The following TG variants were observed in gnomAD, a reference collection of about 807,000 sequenced individuals.
TG encodes thyroid hormones.
TG carries 270 observed loss-of-function variants against 324.7 expected under a neutral mutation model. The ratio of observed to expected loss-of-function variants is 0.83; its 90% confidence interval spans 0.75 to 0.92. The LOEUF (loss-of-function observed/expected upper bound fraction) is 0.92, where lower values mean the gene tolerates loss of function less well. TG is among the 40% of genes least tolerant of loss of function. The pLI, the probability that TG is intolerant of heterozygous loss-of-function variation, is 0.00. For synonymous variants in TG, 1,401 were observed against 1,327.0 expected, an observed-to-expected ratio of 1.06 and a Z score of -1.21; for missense variants, 3,591 against 3,456.4, an observed-to-expected ratio of 1.04 and a Z score of -0.98.
chr8:132,924,975 T>C (rs1433755461), intron 22 of TG, among the ~76,000 whole-genome samples: 1 of 152,212 alleles, frequency 6.6e-6, no homozygotes, highest in Non-Finnish European at 1.5e-5. Context: ...TGTTCCACCT[T>C]TCCCTGGAGC....
intron 5 of TG, among the ~76,000 whole-genome samples, chr8:132,874,355 G>C (rs760248785): frequency 6.6e-6 from 1 of 152,134 alleles, no homozygotes; most frequent in Non-Finnish European, 1.5e-5. Context: ...ACAGAGAGAG[G>C]CATTATAGAT....
At chr8:132,942,575 A>G (rs1332481679) in intron 26 of TG, among the ~76,000 whole-genome samples, 1 of 152,224 alleles carries the variant, frequency 6.6e-6, no homozygotes, top group Admixed American at 6.5e-5. Context: ...ACAAACAGAT[A>G]AAAAGGACTT....
intron 18 of TG, 81 bp from the exon 19 acceptor site, chr8:132,911,296 A>C (rs1270840638): frequency 6.2e-7 from 1 of 1,613,070 alleles, no homozygotes; most frequent in African/African-American, 1.3e-5. Flanking sequence ...ACATAAGCCA[A>C]GTTCTGGTTC....
chr8:133,008,954 G>A (rs573621653), intron 35 of TG, among the ~76,000 whole-genome samples: 15 of 152,282 alleles, frequency 9.9e-5, no homozygotes, highest in African/African-American at 2.9e-4. Context: ...GATACTTGTG[G>A]ACCTCCCAGA....
At chr8:133,093,593 G>A (rs16904828) in intron 41 of TG, among the ~76,000 whole-genome samples, 4,352 of 152,190 alleles carry the variant, frequency 0.029, 214 homozygotes, top group African/African-American at 0.096. Context: ...GTCTCACAGC[G>A]GCCGTGTCCA....
intron 47 of TG, among the ~76,000 whole-genome samples, chr8:133,133,964 G>A (rs1260933409): frequency 6.6e-6 from 1 of 152,200 alleles, no homozygotes. Flanking sequence ...AGCCTAGAAC[G>A]TTGGTATGGG....
chr8:132,883,989 C>T (rs538082237), intron 8 of TG, among the ~76,000 whole-genome samples: 1 of 152,140 alleles, frequency 6.6e-6, no homozygotes, highest in African/African-American at 2.4e-5. Context: ...TAGTGGCTGC[C>T]AGCAATCTGT....
At chr8:133,080,923 C>G (rs1845647395) in intron 41 of TG, among the ~76,000 whole-genome samples, 1 of 152,230 alleles carries the variant, frequency 6.6e-6, no homozygotes, top group South Asian at 2.1e-4. Context: ...AATGATTGCT[C>G]CCTCTCAGAA....
intron 40 of TG, among the ~76,000 whole-genome samples, chr8:133,022,391 G>A (rs1055993440): frequency 1.2e-4 from 18 of 152,134 alleles, no homozygotes; most frequent in Admixed American, 1.0e-3. Context: ...TCCATTACAG[G>A]TCTTATCTTG....
intron 19 of TG, among the ~76,000 whole-genome samples, chr8:132,912,638 G>T: frequency 6.6e-6 from 1 of 152,008 alleles, no homozygotes; most frequent in East Asian, 1.9e-4. Flanking sequence ...CTTACCAACT[G>T]CAAAGAGAGC....
At chr8:132,942,425 T>G (rs977281376) in intron 26 of TG, among the ~76,000 whole-genome samples, 1 of 152,214 alleles carries the variant, frequency 6.6e-6, no homozygotes, top group African/African-American at 2.4e-5. Flanking sequence ...ACTATGTGAC[T>G]GGTCACATTA....
At chr8:132,895,300 A>G (rs975153343) in intron 11 of TG, among the ~76,000 whole-genome samples, 1 of 152,234 alleles carries the variant, frequency 6.6e-6, no homozygotes, top group Non-Finnish European at 1.5e-5. Context: ...GCTCCAAGTC[A>G]AAGAGAATCC....
At chr8:132,992,441 G>A (rs914486952) in intron 35 of TG, among the ~76,000 whole-genome samples, 1 of 152,206 alleles carries the variant, frequency 6.6e-6, no homozygotes. Context: ...AAAAGTTACT[G>A]CAGTCTTTGC....
At chr8:133,024,451 T>TATACATAGGTA (rs1835886666) in intron 40 of TG, among the ~76,000 whole-genome samples, 1 of 151,782 alleles carries the variant, frequency 6.6e-6, no homozygotes, top group African/African-American at 2.4e-5. Flanking sequence ...TGCAGGTTTG[T>TATACATAGGTA]TCCATAGGTA....
chr8:132,994,796 C>T, intron 35 of TG: 3 of 1,286,458 alleles, frequency 2.3e-6, no homozygotes, highest in South Asian at 2.5e-5. Flanking sequence ...TACCTGGTGT[C>T]ATGGGAAGGT....
chr8:132,890,625 G>A (rs1487175405), intron 10 of TG, among the ~76,000 whole-genome samples: 2 of 152,204 alleles, frequency 1.3e-5, no homozygotes, highest in Non-Finnish European at 2.9e-5. Flanking sequence ...TGACCTAAGA[G>A]AGGCTCTTTT....
intron 25 of TG, among the ~76,000 whole-genome samples, chr8:132,936,539 T>C (rs1823622003): frequency 6.6e-6 from 1 of 152,240 alleles, no homozygotes; most frequent in African/African-American, 2.4e-5. Flanking sequence ...TACTGTATAG[T>C]TTATGACTTC....
At chr8:133,057,050 G>C (rs188111806) in intron 41 of TG, among the ~76,000 whole-genome samples, 45 of 152,282 alleles carry the variant, frequency 3.0e-4, no homozygotes, top group African/African-American at 1.0e-3. Context: ...AGCTGGGTTT[G>C]AGAGGTCCCT....
Position 133,011,884 on chromosome 8 carries a change from G to T in TG, c.6263-17G>T. On this transcript the variant is annotated splice_polypyrimidine_tract_variant and intron_variant, in intron 35 of 47. Transcript: ENST00000220616. ...AGGTGACAACTGCATGTGACTGTCC[G>T]TTGCCTTCTCTCCTAGTGTCTCTGG... 5 of 1,614,096 alleles carry T rather than the reference G, an allele frequency of 3.1e-6. No homozygotes were observed. The highest frequency in any genetic ancestry group is 4.2e-6 in the Non-Finnish European group (5 of 1,180,016).
Sources: allele counts gnomAD v4.1 joint callset (sites outside exome capture counted in the v4.1 genomes callset), GRCh38; gene constraint gnomAD v4.1.1; transcripts MANE v1.5; gene names NCBI Gene and HGNC (gene_info 2026-07-23, HGNC 2026-07-21).